Variants in ZNF862 observed in about 807,000 individuals in gnomAD.
ZNF862 encodes the protein zinc finger protein 862.
A neutral mutation model predicts 91.1 loss-of-function variants in ZNF862; 64 were observed. That is an observed-to-expected ratio of 0.70 (90% CI 0.57 to 0.87). The LOEUF (loss-of-function observed/expected upper bound fraction) is 0.87. ZNF862 is among the 40% of genes least tolerant of loss of function. The pLI is 0.00. For synonymous variants in ZNF862, 631 were observed against 618.1 expected (o/e 1.02, Z -0.31); for missense variants, 1,459 against 1,528.0 (o/e 0.95, Z 0.75).
chr7:149,843,073 G>C (rs938487683), intron 1 of ZNF862, among the ~76,000 whole-genome samples: 1 of 152,126 alleles, frequency 6.6e-6, no homozygotes, highest in Admixed American at 6.6e-5. Flanking sequence ...AGGAAAGAAG[G>C]GTAATGAAAA....
chr7:149,852,388 A>G (rs1330258109), intron 5 of ZNF862, among the ~76,000 whole-genome samples: 1 of 151,438 alleles, frequency 6.6e-6, no homozygotes, highest in East Asian at 1.9e-4. Context: ...AGAGAGAGAG[A>G]GACAGGCTGT....
At chr7:149,843,987 C>T (rs531981406) in intron 1 of ZNF862, among the ~76,000 whole-genome samples, 8 of 152,248 alleles carry the variant, frequency 5.3e-5, no homozygotes, top group South Asian at 4.2e-4. Context: ...CTCCTTGTTG[C>T]GCCCCCTATT....
Position 149,861,355 on chromosome 7 carries a change from C to G in ZNF862, c.2195C>G (p.Ala732Gly). 1 of 1,613,084 alleles carries G rather than the reference C, an allele frequency of 6.2e-7. No individual in the cohort carries two copies. The highest frequency in any genetic ancestry group is 8.5e-7 in the Non-Finnish European group (1 of 1,179,904). Residue 732 changes from alanine (A) to glycine (G), a missense_variant, in exon 7 of 8, where the codon GCT becomes GGT. Physicochemically the swap from Ala to Gly is moderately conservative, Grantham distance 60. Transcript: ENST00000223210. This position sits in a 1 kb window ranked among gnomAD's most constrained non-coding sequence, Gnocchi z 6.7. ...VHCVAHRLHL[A>G]VVDACGSIDL... is the part of the protein sequence containing the mutation. ...TGCGTGGCCCACCGGCTGCACCTGG[C>G]TGTGGTGGACGCCTGCGGGAGCATC... is the stretch of plus-strand genomic sequence containing the variant.
chr7:149,839,716 C>T (rs1263182180), intron 1 of ZNF862, among the ~76,000 whole-genome samples: 1 of 152,184 alleles, frequency 6.6e-6, no homozygotes, highest in Non-Finnish European at 1.5e-5. Flanking sequence ...TCCTCCCTCC[C>T]TCCACAAGCT....
intron 4 of ZNF862, 24 bp downstream of exon 4, chr7:149,848,456 G>C (rs1043547746): frequency 1.4e-6 from 2 of 1,454,678 alleles, no homozygotes; most frequent in African/African-American, 2.8e-5. Context: ...AATGATTGCT[G>C]TATCTTACAG....
rs1185364893 is a variant in ZNF862, at chr7:149,850,015, T to G, written c.940-146T>G. 2.5e-6 allele frequency: 2 copies of G among 810,182 alleles called. No individual in the cohort carries two copies. The highest frequency in any genetic ancestry group is 3.5e-5 in the African/African-American group (2 of 57,360). The allele number at this position is 810,182 out of a possible 1,614,324, so 50.2% of individuals were successfully genotyped here. Reference sequence around the variant, plus strand: ...GCCTCCTGAATTTGATTCTTTGACTTTCAGTGGATAAATTAATTCCTCTGA... The same window carrying G: ...GCCTCCTGAATTTGATTCTTTGACTGTCAGTGGATAAATTAATTCCTCTGA... On this transcript the variant is annotated intron_variant, in intron 4 of 7. Transcript: ENST00000223210. The surrounding 1 kb of genome is among the most constrained non-coding windows in gnomAD (Gnocchi z 4.2).
intron 4 of ZNF862, among the ~76,000 whole-genome samples, chr7:149,849,130 A>G (rs78572979): frequency 6.6e-6 from 1 of 152,164 alleles, no homozygotes; most frequent in African/African-American, 2.4e-5. Flanking sequence ...GTTTGGAGTC[A>G]TGTTGCACTT....
Position 149,846,243 on chromosome 7 carries a change from G to A in ZNF862, c.229G>A (p.Glu77Lys). 1.2e-6 allele frequency: 2 copies of A among 1,613,444 alleles called. No homozygotes were observed. The highest frequency in any genetic ancestry group is 1.7e-4 in the Middle Eastern group (1 of 6,046). ...CGTCCAGGGCCAGAGGAGCCTTCTG[G>A]AGCATCACCCAGGTGAGTGTGGAAC... Reference protein sequence around the residue: ...GSVQGQRSLLEHHPGKKQMGY... With the variant: ...GSVQGQRSLLKHHPGKKQMGY... Residue 77 changes from glutamate (E) to lysine (K), a missense_variant, in exon 3 of 8, where the codon GAG becomes AAG. Transcript: ENST00000223210.
intron 1 of ZNF862, among the ~76,000 whole-genome samples, chr7:149,844,343 G>A (rs1224314009): frequency 1.3e-5 from 2 of 152,200 alleles, no homozygotes; most frequent in Non-Finnish European, 2.9e-5. Context: ...AGAAACGGGC[G>A]TGTGGGAGGC....
At position 149,866,266 on chromosome 7, in the gene ZNF862, G is replaced by A. The variant is rs374130674; in HGVS notation, c.*1982G>A. 1 of 152,306 alleles carries A rather than the reference G, an allele frequency of 6.6e-6. No homozygotes were observed. The highest frequency in any genetic ancestry group is 1.9e-4 in the East Asian group (1 of 5,180). The allele number at this position is 152,306 out of a possible 1,614,324, so 9.4% of individuals were successfully genotyped here. A position where few individuals can be genotyped will look rare whatever the true frequency, so the allele number is the denominator to read the frequency against. On this transcript the variant is annotated 3_prime_UTR_variant, in exon 8 of 8. Coordinates refer to ENST00000223210, the MANE Select transcript of ZNF862 (RefSeq NM_001099220.3). ...AGCTCTGGGAGGTGTTACTATCTGC[G>A]TGGCTAAGGCACACACAGGCCTCCT... is the stretch of plus-strand genomic sequence containing the variant.
intron 5 of ZNF862, among the ~76,000 whole-genome samples, chr7:149,857,126 A>T (rs552299492): frequency 4.0e-4 from 61 of 152,188 alleles, no homozygotes; most frequent in African/African-American, 1.4e-3. Flanking sequence ...GTGTGTTTTT[A>T]ATCTTTTTTT....
chr7:149,859,448 A>G lies in ZNF862; in HGVS notation c.1144A>G (p.Ile382Val), dbSNP rs1432894426. 1.3e-6 allele frequency: 2 copies of G among 1,586,018 alleles called. No individual in the cohort carries two copies. Among genetic ancestry groups the G allele is most frequent in the South Asian group, 1.2e-5 (1 of 86,468 alleles). Residue 382 changes from isoleucine (I) to valine (V), a missense_variant, in exon 6 of 8, where the codon ATC (isoleucine) becomes GTC (valine). Coordinates refer to ENST00000223210, the MANE Select transcript of ZNF862 (RefSeq NM_001099220.3). Reference protein sequence around the residue: ...LGPAAAKPDLISKLERRAAPW... With the variant: ...LGPAAAKPDLVSKLERRAAPW... ...ACCTGCCGCTGCCAAGCCAGACTTG[A>G]TCTCCAAACTGGAGCGGAGGGCTGC...
intron 1 of ZNF862, chr7:149,841,219 A>G (rs1801691994): frequency 1.0e-6 from 1 of 985,294 alleles, no homozygotes. Flanking sequence ...TATGGCTCAG[A>G]ACTGGGAGAC....
In ZNF862 at chr7:149,850,204, T is replaced by C. The variant is rs757366961; in HGVS notation, c.983T>C (p.Phe328Ser). Reference sequence around the variant, plus strand: ...CTGTCGGAGGAGGTTCCTGTGGTGTTTGAGGAGCTGCCGGTGGTGTTCGAG... The same window carrying C: ...CTGTCGGAGGAGGTTCCTGTGGTGTCTGAGGAGCTGCCGGTGGTGTTCGAG... ...EGLSEEVPVV[F>S]EELPVVFEDV... is the part of the protein sequence containing the mutation. The change falls in exon 5 of 8, where the codon TTT becomes TCT. Residue 328 changes from phenylalanine to serine, a missense_variant. Transcript: ENST00000223210. The surrounding 1 kb of genome is among the most constrained non-coding windows in gnomAD (Gnocchi z 4.2). 21 of 1,598,038 alleles carry C rather than the reference T, an allele frequency of 1.3e-5. No individual in the cohort carries two copies. The highest frequency in any genetic ancestry group is 1.6e-5 in the Non-Finnish European group (19 of 1,172,260).
rs771747918 is a variant in ZNF862 at position 149,864,275 on chromosome 7, G to A, written c.3501G>A (p.Gly1167=). The part of the protein sequence containing the change: ...LYPHTSQEAP[G]MS The stretch of plus-strand genomic sequence containing the variant: ...CCCACACCAGCCAGGAGGCCCCCGG[G>A]ATGTCCTGAGGGACAGGGAGTCCTT... The change falls in exon 8 of 8, where the codon GGG becomes GGA. Residue 1167 remains glycine (G), a synonymous_variant. Transcript: ENST00000223210. The A allele has an allele frequency of 1.4e-5, 22 of 1,598,278 alleles. No homozygotes were observed. The South Asian group carries it at 1.6e-4, about 12-fold the overall frequency.
At chr7:149,859,821 G>T (rs79575367) in intron 6 of ZNF862, 1 of 368,628 alleles carries the variant, frequency 2.7e-6, no homozygotes, top group Non-Finnish European at 4.9e-6. Context: ...GGAGCCAGGG[G>T]ACCCAGAGAT....
chr7:149,859,852 C>T, intron 6 of ZNF862: 1 of 320,094 alleles, frequency 3.1e-6, no homozygotes. Context: ...CTCATCCCTT[C>T]TCCCTCCTTC....
Position 149,860,894 on chromosome 7 carries a change from C to T in ZNF862, c.1734C>T (p.Ile578=), listed in dbSNP as rs1802452181. The change falls in exon 7 of 8, where the codon ATC becomes ATT. Residue 578 remains isoleucine, a synonymous_variant. Transcript: ENST00000223210. ...HSRPLNDFEK[I]LQLLQSTGTV... ...GGCCCCTGAATGACTTTGAGAAGAT[C>T]CTGCAGCTCCTCCAAAGCACGGGGA... is the stretch of plus-strand genomic sequence containing the variant. The T allele has an allele frequency of 6.2e-7, 1 of 1,613,788 alleles. No individual in the cohort carries two copies. Among genetic ancestry groups the T allele is most frequent in the Non-Finnish European group, 8.5e-7 (1 of 1,179,884 alleles).
chr7:149,842,434 C>T (rs2128935606), intron 1 of ZNF862, among the ~76,000 whole-genome samples: 1 of 152,348 alleles, frequency 6.6e-6, no homozygotes. Context: ...CTTTGCATTA[C>T]ACATAGGTGA....
Sources: allele counts gnomAD v4.1 joint callset (sites outside exome capture counted in the v4.1 genomes callset), GRCh38; gene constraint gnomAD v4.1.1; non-coding constraint Gnocchi (gnomAD v3.1); transcripts MANE v1.5; gene names NCBI Gene and HGNC (gene_info 2026-07-23, HGNC 2026-07-21).